The following SMC5 variants were observed in gnomAD, a reference collection of about 807,000 sequenced individuals.
SMC5 encodes structural maintenance of chromosomes 5.
In SMC5, 88 loss-of-function variants were observed where a neutral mutation model predicts 148.3. The observed-to-expected ratio is 0.59, with a 90% CI of 0.50 to 0.71. The LOEUF is 0.71. Among genes scored for constraint, SMC5 ranks in the 30% least tolerant of loss-of-function variants. The pLI is 0.00. For missense variants in SMC5, 1,142 were observed against 1,298.9 expected, an observed-to-expected ratio of 0.88 and a Z score of 1.86; for synonymous variants, 421 against 432.8, an observed-to-expected ratio of 0.97 and a Z score of 0.34.
At chr9:70,335,279 GGAGTTT>G (rs376585006) in intron 17 of SMC5, among the ~76,000 whole-genome samples, 96 of 152,242 alleles carry the variant, frequency 6.3e-4, no homozygotes, top group African/African-American at 2.1e-3. Context: ...ATCATGCCCA[GGAGTTT>G]GAGACCAGCC....
intron 19 of SMC5, 104 bp downstream of exon 19, chr9:70,346,753 A>G: frequency 8.5e-7 from 1 of 1,174,992 alleles, no homozygotes; most frequent in South Asian, 1.3e-5. Flanking sequence ...AGGCCTTTGA[A>G]TTCTCTTAAC....
intron 24 of SMC5, 152 bp from the exon 25 acceptor site, chr9:70,352,039 C>A (rs986031112): frequency 1.2e-4 from 73 of 617,072 alleles, no homozygotes; most frequent in Middle Eastern, 9.5e-4. Flanking sequence ...TGAGATCGCA[C>A]CTCTGTACTC....
intron 3 of SMC5, among the ~76,000 whole-genome samples, chr9:70,268,307 A>G (rs1426985269): frequency 2.6e-5 from 4 of 152,002 alleles, no homozygotes; most frequent in Non-Finnish European, 5.9e-5. Context: ...TTATCCAGGC[A>G]TGGTGGCACA....
At chr9:70,306,207 C>G (rs1253435823) in intron 11 of SMC5, among the ~76,000 whole-genome samples, 1 of 151,952 alleles carries the variant, frequency 6.6e-6, no homozygotes, top group African/African-American at 2.4e-5. Flanking sequence ...CTTTAAAAGC[C>G]TTATAAGGAA....
chr9:70,278,662 A>G, intron 5 of SMC5, 37 bp downstream of exon 5: 1 of 1,567,576 alleles, frequency 6.4e-7, no homozygotes, highest in Non-Finnish European at 8.6e-7. Flanking sequence ...ATTGTTTCTT[A>G]TTGATTTCTG....
Position 70,286,233 on chromosome 9 carries a change from A to G in SMC5, c.1015A>G (p.Lys339Glu), listed in dbSNP as rs1477177946. 6 of 1,597,404 alleles carry G rather than the reference A, an allele frequency of 3.8e-6. No individual in the cohort carries two copies. Among genetic ancestry groups the G allele is most frequent in the Non-Finnish European group, 5.1e-6 (6 of 1,171,412 alleles). ...TDIKEASQKC[K>E]QKQDVIERKD... is the part of the protein sequence containing the mutation. ...TATTAAGGAGGCATCTCAAAAATGCAAACAGAAGCAAGATGTTATAGAAAG... is the reference window on the plus strand; with the variant it reads ...TATTAAGGAGGCATCTCAAAAATGCGAACAGAAGCAAGATGTTATAGAAAG... The change falls in exon 8 of 25, where the codon AAA (lysine) becomes GAA (glutamate). Residue 339 changes from lysine (K) to glutamate (E), a missense_variant. Transcript: ENST00000361138.
At chr9:70,266,310 C>T (rs549092206) in intron 2 of SMC5, among the ~76,000 whole-genome samples, 13 of 152,208 alleles carry the variant, frequency 8.5e-5, no homozygotes, top group African/African-American at 2.9e-4. Context: ...ATACTTTTCT[C>T]TGTTAATAAC....
chr9:70,276,913 A>T (rs1301831778), intron 3 of SMC5, among the ~76,000 whole-genome samples: 1 of 151,990 alleles, frequency 6.6e-6, no homozygotes, highest in African/African-American at 2.4e-5. Flanking sequence ...GAGCAGGGGG[A>T]GTTTCAAGGT....
At chr9:70,307,795 C>T (rs986120702) in intron 11 of SMC5, among the ~76,000 whole-genome samples, 9 of 152,114 alleles carry the variant, frequency 5.9e-5, no homozygotes, top group African/African-American at 1.9e-4. Context: ...TGAACCACCA[C>T]GCCCGGTCAA....
chr9:70,349,127 C>T (rs62570343), intron 22 of SMC5, among the ~76,000 whole-genome samples: 3,477 of 152,316 alleles, frequency 0.023, 50 homozygotes, highest in Non-Finnish European at 0.038. Flanking sequence ...AGCGCAGTGG[C>T]GCAATCTTGG....
At chr9:70,275,827 G>A (rs1312852379) in intron 3 of SMC5, among the ~76,000 whole-genome samples, 1 of 152,016 alleles carries the variant, frequency 6.6e-6, no homozygotes, top group East Asian at 1.9e-4. Context: ...GTTTTGCAAA[G>A]TTCTTTTTTA....
rs1425289557 is a variant in SMC5 at position 70,352,496 on chromosome 9, A to G, written c.*165A>G. ...AATGGAAACTATAATGACCTTTCCA[A>G]AATAGCAGCTGGTAGTAAAAGTTAA... On this transcript the variant is annotated 3_prime_UTR_variant, in exon 25 of 25. Coordinates refer to ENST00000361138, the MANE Select transcript of SMC5 (RefSeq NM_015110.4). 3.2e-6 allele frequency: 2 copies of G among 626,076 alleles called. No homozygotes were observed. Among genetic ancestry groups the G allele is most frequent in the African/African-American group, 3.7e-5 (2 of 54,644 alleles). The allele number at this position is 626,076 out of a possible 1,614,324, so 38.8% of individuals were successfully genotyped here.
intron 5 of SMC5, among the ~76,000 whole-genome samples, chr9:70,279,510 C>T (rs1479349586): frequency 1.3e-5 from 2 of 150,930 alleles, no homozygotes; most frequent in East Asian, 3.9e-4. Context: ...CAGAGCGAGA[C>T]CCTGTGTCAA....
chr9:70,286,373 T>A, intron 8 of SMC5, 102 bp downstream of exon 8: 1 of 687,784 alleles, frequency 1.5e-6, no homozygotes, highest in Non-Finnish European at 2.5e-6. Flanking sequence ...ATGGCCAAGA[T>A]CCTCTGCATT....
At chr9:70,259,364 G>A in intron 1 of SMC5, 101 bp downstream of exon 1, 1 of 1,261,950 alleles carries the variant, frequency 7.9e-7, no homozygotes, top group Non-Finnish European at 1.1e-6. Context: ...GTGTGTACCT[G>A]GCTTGTGGGT....
intron 21 of SMC5, 71 bp from the exon 22 acceptor site, chr9:70,347,848 A>G: frequency 7.0e-7 from 1 of 1,423,468 alleles, no homozygotes; most frequent in Non-Finnish European, 9.5e-7. Context: ...TATAAAATTT[A>G]CATAAAATTG....
intron 10 of SMC5, 77 bp downstream of exon 10, chr9:70,300,277 C>T: frequency 7.8e-7 from 1 of 1,276,658 alleles, no homozygotes; most frequent in Non-Finnish European, 1.1e-6. Context: ...ACATTTTAGT[C>T]CCAATATTAC....
At chr9:70,316,233 A>G (rs1357628384) in intron 13 of SMC5, among the ~76,000 whole-genome samples, 1 of 152,122 alleles carries the variant, frequency 6.6e-6, no homozygotes, top group African/African-American at 2.4e-5. Flanking sequence ...AGGTTTTTCC[A>G]GTATTAATAC....
At chr9:70,280,705 G>T (rs2034725470) in intron 5 of SMC5, 54 bp from the exon 6 acceptor site, 1 of 1,512,740 alleles carries the variant, frequency 6.6e-7, no homozygotes. Flanking sequence ...TAAAAGATGT[G>T]ACCTGTTGTC....
Sources: gnomAD v4.1 joint callset for allele counts (sites outside exome capture counted in the v4.1 genomes callset) on GRCh38, gnomAD v4.1.1 for gene constraint, MANE v1.5 for transcripts, NCBI Gene and HGNC (gene_info 2026-07-23, HGNC 2026-07-21) for gene names.